Variants in KIAA1217 observed in about 807,000 individuals in gnomAD.
KIAA1217 encodes KIAA1217, also known as sickle tail protein homolog.
In KIAA1217, 88 loss-of-function variants were observed where a neutral mutation model predicts 163.9. The observed-to-expected ratio is 0.54, with a 90% CI of 0.45 to 0.64. The LOEUF is 0.64. Ranked by LOEUF, KIAA1217 falls within the 30% of genes least tolerant of loss-of-function variation. The pLI, the probability that KIAA1217 is intolerant of heterozygous loss-of-function variation, is 0.00. For synonymous variants in KIAA1217, 903 were observed against 923.1 expected, an observed-to-expected ratio of 0.98 and a Z score of 0.39; for missense variants, 2,372 against 2,475.0, an observed-to-expected ratio of 0.96 and a Z score of 0.88.
intron 2 of KIAA1217, among the ~76,000 whole-genome samples, chr10:24,074,891 G>T (rs953944508): frequency 6.6e-6 from 1 of 151,810 alleles, no homozygotes; most frequent in Non-Finnish European, 1.5e-5. Flanking sequence ...TAAAGATGGG[G>T]TTTTGCCATG....
chr10:23,760,610 T>C (rs1834209570), intron 1 of KIAA1217, among the ~76,000 whole-genome samples: 1 of 152,080 alleles, frequency 6.6e-6, no homozygotes, highest in East Asian at 1.9e-4. Flanking sequence ...TGGATAACAA[T>C]ATAGGGGAAT....
intron 1 of KIAA1217, among the ~76,000 whole-genome samples, chr10:23,808,038 A>G (rs1343237639): frequency 1.3e-5 from 2 of 152,344 alleles, no homozygotes; most frequent in East Asian, 1.9e-4. Flanking sequence ...TGCCATCGGA[A>G]AAAGATCACC....
chr10:23,789,522 T>G lies in KIAA1217; in HGVS notation c.-321+94288T>G, dbSNP rs529225834. Among the ~76,000 whole-genome samples, 221 of 152,208 alleles carry G rather than the reference T, an allele frequency of 1.5e-3. 2 individuals carry two copies. The highest frequency in any genetic ancestry group is 1.4e-3 in the Non-Finnish European group (98 of 68,022). ...CAGAATTTTCTTCTGCACAATGGGA[T>G]GATAATGGAATCCAAGTCACAGGGT... On this transcript the variant is annotated intron_variant, in intron 1 of 18. Transcript: ENST00000376462.
In KIAA1217 at chr10:23,985,387, A is replaced by G. The variant is rs190052393; in HGVS notation, c.-320-21838A>G. ...ACTCTTGTAATACTTTGCCAGAGGA[A>G]CTAACTCATTCTGCCAACCTTTTGC... On this transcript the variant is annotated intron_variant, in intron 1 of 18. Transcript: ENST00000376462. Among the ~76,000 whole-genome samples the G allele has an allele frequency of 1.9e-4, 29 of 152,308 alleles. No individual in the cohort carries two copies. In the East Asian group the frequency reaches 1.9e-3, roughly 10 times the overall value.
chr10:23,902,064 A>G (rs1200673260), intron 1 of KIAA1217, among the ~76,000 whole-genome samples: 1 of 152,090 alleles, frequency 6.6e-6, no homozygotes, highest in Non-Finnish European at 1.5e-5. Context: ...GGGAGCATGC[A>G]GTATTTGGTT....
At chr10:24,236,908 T>C (rs1393930048) in intron 2 of KIAA1217, among the ~76,000 whole-genome samples, 1 of 152,108 alleles carries the variant, frequency 6.6e-6, no homozygotes, top group Non-Finnish European at 1.5e-5. Flanking sequence ...TACCTCAGCC[T>C]CCCAAAGTGC....
chr10:23,725,730 A>G (rs1838096768), intron 1 of KIAA1217, among the ~76,000 whole-genome samples: 1 of 152,198 alleles, frequency 6.6e-6, no homozygotes, highest in African/African-American at 2.4e-5. Context: ...TGGCTTGTTT[A>G]TTCCTTGAAC....
intron 2 of KIAA1217, among the ~76,000 whole-genome samples, chr10:24,112,671 A>G (rs1444749772): frequency 6.6e-6 from 1 of 151,350 alleles, no homozygotes; most frequent in African/African-American, 2.4e-5. Context: ...TGCAAGCTCC[A>G]CCTCCTGGGT....
At chr10:24,388,390 G>C (rs369709208) in intron 3 of KIAA1217, among the ~76,000 whole-genome samples, 4 of 152,078 alleles carry the variant, frequency 2.6e-5, no homozygotes, top group South Asian at 2.1e-4. Context: ...CTTCCTTACA[G>C]CTTATACAAA....
intron 1 of KIAA1217, among the ~76,000 whole-genome samples, chr10:24,002,438 TC>T (rs1414114366): frequency 2.0e-5 from 3 of 152,098 alleles, no homozygotes; most frequent in African/African-American, 7.2e-5. Flanking sequence ...AGAACTTGCC[TC>T]TCTCCTTCTT....
intron 1 of KIAA1217, among the ~76,000 whole-genome samples, chr10:23,714,824 A>C (rs1268110029): frequency 1.3e-5 from 2 of 152,124 alleles, no homozygotes; most frequent in Non-Finnish European, 2.9e-5. Context: ...TCATGGGCAG[A>C]AGCATGGTCT....
intron 2 of KIAA1217, among the ~76,000 whole-genome samples, chr10:24,051,701 A>G (rs1849526140): frequency 6.6e-6 from 1 of 151,972 alleles, no homozygotes; most frequent in Admixed American, 6.6e-5. Flanking sequence ...CATTTCCCTG[A>G]TAGTGATGTT....
At chr10:24,282,856 G>A (rs1355011314) in intron 2 of KIAA1217, among the ~76,000 whole-genome samples, 5 of 128,140 alleles carry the variant, frequency 3.9e-5, no homozygotes, top group African/African-American at 8.9e-5. Context: ...TTTTTCAGAC[G>A]GAGTTTCATT....
Position 24,463,572 on chromosome 10 carries a change from C to G in KIAA1217, c.847-9656C>G, listed in dbSNP as rs150081524. Among the ~76,000 whole-genome samples, 488 of 152,290 alleles carry G rather than the reference C, an allele frequency of 3.2e-3. 1 individual carries two copies. The highest frequency in any genetic ancestry group is 0.01 in the Middle Eastern group (3 of 294). On this transcript the variant is annotated intron_variant, in intron 5 of 20. Coordinates refer to ENST00000376454, the MANE Select transcript of KIAA1217 (RefSeq NM_019590.5). ...CAAGATGAATTTGAAATTTTTTCAA[C>G]GTAATAATCCCTTCCCTTCCTAATA...
chr10:23,778,778 G>C (rs1319190420), intron 1 of KIAA1217, among the ~76,000 whole-genome samples: 1 of 152,146 alleles, frequency 6.6e-6, no homozygotes, highest in East Asian at 1.9e-4. Flanking sequence ...CTGGCTTCTG[G>C]ATTGTTCATT....
At chr10:24,140,032 T>A (rs991517039) in intron 2 of KIAA1217, among the ~76,000 whole-genome samples, 1 of 151,954 alleles carries the variant, frequency 6.6e-6, no homozygotes, top group African/African-American at 2.4e-5. Context: ...CTTATCAAAT[T>A]GAGAACTTTC....
chr10:23,718,516 A>T (rs1837692432), intron 1 of KIAA1217, among the ~76,000 whole-genome samples: 1 of 152,122 alleles, frequency 6.6e-6, no homozygotes, highest in Non-Finnish European at 1.5e-5. Context: ...CAGTTTTAAA[A>T]TTGCATAATG....
At chr10:24,309,359 C>CAT (rs2042412585) in intron 2 of KIAA1217, among the ~76,000 whole-genome samples, 1 of 151,526 alleles carries the variant, frequency 6.6e-6, no homozygotes, top group Non-Finnish European at 1.5e-5. Flanking sequence ...CGCACACACA[C>CAT]ACACACACAC....
intron 2 of KIAA1217, among the ~76,000 whole-genome samples, chr10:24,238,909 C>A (rs1204848989): frequency 2.0e-5 from 3 of 152,152 alleles, no homozygotes; most frequent in African/African-American, 7.2e-5. Context: ...ATGAAGCCAT[C>A]GTTCCCGGCT....
Sources: gnomAD v4.1 joint callset for allele counts (sites outside exome capture counted in the v4.1 genomes callset) on GRCh38, gnomAD v4.1.1 for gene constraint, MANE v1.5 for transcripts, NCBI Gene and HGNC (gene_info 2026-07-23, HGNC 2026-07-21) for gene names.